SLC4A5: variants seen among roughly 807,000 people sequenced by gnomAD.
SLC4A5 encodes the protein solute carrier family 4 member 5.
Under a neutral mutation model 120.4 loss-of-function variants are expected in SLC4A5, and 96 were observed. The ratio of observed to expected loss-of-function variants is 0.80; its 90% CI spans 0.68 to 0.94. SLC4A5 has a LOEUF of 0.94. Among genes scored for constraint, SLC4A5 ranks in the 40% least tolerant of loss-of-function variants. The pLI, the probability that SLC4A5 is intolerant of heterozygous loss-of-function variation, is 0.00. For missense variants in SLC4A5, 1,259 were observed against 1,459.5 expected (o/e 0.86, Z 2.24); for synonymous variants, 550 against 571.1 (o/e 0.96, Z 0.53).
At chr2:74,254,336 C>G (rs577853869) in intron 14 of SLC4A5, among the ~76,000 whole-genome samples, 1 of 152,314 alleles carries the variant, frequency 6.6e-6, no homozygotes, top group Admixed American at 6.5e-5. Flanking sequence ...TCCTCCTGCT[C>G]CTCCTTAGCT....
intron 19 of SLC4A5, among the ~76,000 whole-genome samples, chr2:74,244,545 C>G (rs1288638253): frequency 6.8e-6 from 1 of 147,684 alleles, no homozygotes; most frequent in East Asian, 2.0e-4. Flanking sequence ...TCTCTCTTTC[C>G]TCCTCTTCTC....
chr2:74,290,587 TGAGAGA>T, intron 7 of SLC4A5: 2 of 936,384 alleles, frequency 2.1e-6, no homozygotes, highest in East Asian at 1.3e-4. Context: ...ATTAAAGATC[TGAGAGA>T]GAGAGAGACA....
At chr2:74,289,565 C>T (rs1672094484) in intron 7 of SLC4A5, among the ~76,000 whole-genome samples, 1 of 152,172 alleles carries the variant, frequency 6.6e-6, no homozygotes, top group Admixed American at 6.5e-5. Flanking sequence ...AATCCACCTG[C>T]TTCAGCCTCC....
intron 6 of SLC4A5, among the ~76,000 whole-genome samples, chr2:74,312,207 A>T (rs1305110665): frequency 6.6e-6 from 1 of 151,498 alleles, no homozygotes; most frequent in Non-Finnish European, 1.5e-5. Context: ...CTATATCTAT[A>T]CCTATCTATC....
At chr2:74,227,922 G>A (rs780608922) in intron 25 of SLC4A5, 44 bp from the exon 26 acceptor site, 20 of 1,496,668 alleles carry the variant, frequency 1.3e-5, no homozygotes, top group South Asian at 3.9e-5. Flanking sequence ...GCCTGGGGCG[G>A]CCCTTGGCCA....
At chr2:74,233,261 A>G in intron 23 of SLC4A5, 141 bp downstream of exon 23, 6 of 1,009,166 alleles carry the variant, frequency 5.9e-6, no homozygotes, top group South Asian at 5.7e-5. Flanking sequence ...TTCCCCCTCA[A>G]CACACCAAGT....
At chr2:74,267,524 T>A (rs116304161) in intron 8 of SLC4A5, among the ~76,000 whole-genome samples, 22 of 152,292 alleles carry the variant, frequency 1.4e-4, no homozygotes, top group Middle Eastern at 3.4e-3. Context: ...CCATCCCATT[T>A]TATAAAAAAG....
At chr2:74,240,564 T>C (rs1670407505) in intron 20 of SLC4A5, among the ~76,000 whole-genome samples, 3 of 152,134 alleles carry the variant, frequency 2.0e-5, no homozygotes, top group Admixed American at 6.5e-5. Flanking sequence ...CAAAATTTGA[T>C]ACTTGGCCAG....
chr2:74,317,730 C>T (rs1281256098), intron 5 of SLC4A5, among the ~76,000 whole-genome samples: 1 of 152,228 alleles, frequency 6.6e-6, no homozygotes, highest in Non-Finnish European at 1.5e-5. Context: ...CTGCTGGACT[C>T]CTAGAACCCT....
chr2:74,222,972 A>G lies in SLC4A5; in HGVS notation c.3247-20T>C, dbSNP rs1177034022. ...CTGGGGCTGGAGAAAAACAGTGGGA[A>G]AAGAGGATAAACACCAACACAACAA... On this transcript the variant is annotated intron_variant, in intron 28 of 30. Transcript: ENST00000394019. 3 of 1,555,172 alleles carry G rather than the reference A, an allele frequency of 1.9e-6. No homozygotes were observed. Among genetic ancestry groups the G allele is most frequent in the Non-Finnish European group, 2.6e-6 (3 of 1,141,370 alleles).
chr2:74,262,012 G>A, intron 11 of SLC4A5, 125 bp downstream of exon 11: 1 of 795,290 alleles, frequency 1.3e-6, no homozygotes, highest in East Asian at 2.8e-5. Flanking sequence ...GGCTCCTCCT[G>A]ATGCATGCCC....
intron 20 of SLC4A5, 61 bp downstream of exon 20, chr2:74,241,933 T>A: frequency 6.5e-7 from 1 of 1,533,700 alleles, no homozygotes; most frequent in Non-Finnish European, 8.9e-7. Flanking sequence ...TCCAAAATCT[T>A]TTCTCCCTCC....
At chr2:74,249,996 G>A (rs1573025728) in intron 17 of SLC4A5, among the ~76,000 whole-genome samples, 1 of 152,176 alleles carries the variant, frequency 6.6e-6, no homozygotes. Context: ...TTTTTAAAAA[G>A]TGTGGGGAGA....
intron 14 of SLC4A5, among the ~76,000 whole-genome samples, 168 bp downstream of exon 14, chr2:74,254,451 A>T (rs1670894336): frequency 6.6e-6 from 1 of 152,166 alleles, no homozygotes; most frequent in African/African-American, 2.4e-5. Context: ...TGGTTCTCCT[A>T]AAGGACAATG....
intron 7 of SLC4A5, among the ~76,000 whole-genome samples, chr2:74,287,004 A>T (rs1672005370): frequency 6.6e-6 from 1 of 151,472 alleles, no homozygotes; most frequent in Non-Finnish European, 1.5e-5. Context: ...AGTCATCATT[A>T]CCTCACCTCC....
intron 4 of SLC4A5, among the ~76,000 whole-genome samples, chr2:74,328,538 G>A (rs187956268): frequency 5.0e-4 from 76 of 152,232 alleles, no homozygotes; most frequent in African/African-American, 1.7e-3. Context: ...TGTCTTGGAG[G>A]GATGTTAGAG....
chr2:74,227,218 G>A, intron 26 of SLC4A5, 88 bp from the exon 27 acceptor site: 2 of 1,425,590 alleles, frequency 1.4e-6, no homozygotes, highest in Non-Finnish European at 1.9e-6. Flanking sequence ...CCTGGGTGGG[G>A]TCTCAGAGAG....
chr2:74,275,874 G>A (rs1268908506), intron 8 of SLC4A5, among the ~76,000 whole-genome samples: 2 of 152,180 alleles, frequency 1.3e-5, no homozygotes, highest in Admixed American at 1.3e-4. Context: ...CCTGCCCAAG[G>A]TCATGCAGCT....
At chr2:74,339,468 G>A (rs970256048) in intron 2 of SLC4A5, 1 of 152,322 alleles carries the variant, frequency 6.6e-6, no homozygotes, top group South Asian at 2.1e-4. Context: ...AAGGGAAAGT[G>A]TAGAAGAGTG....
Sources: allele counts gnomAD v4.1 joint callset (sites outside exome capture counted in the v4.1 genomes callset), GRCh38; gene constraint gnomAD v4.1.1; transcripts MANE v1.5; gene names NCBI Gene and HGNC (gene_info 2026-07-23, HGNC 2026-07-21).